The following FMN2 variants were observed in gnomAD, a reference collection of about 807,000 sequenced individuals.
FMN2 encodes the protein formin-2.
A neutral mutation model predicts 142.3 loss-of-function variants in FMN2; 51 were observed. The ratio of observed to expected loss-of-function variants is 0.36; its 90% CI spans 0.29 to 0.45. The LOEUF (loss-of-function observed/expected upper bound fraction) is 0.45. FMN2 is among the 20% of genes least tolerant of loss of function. The pLI, the probability that FMN2 is intolerant of heterozygous loss-of-function variation, is 1.00. For missense variants in FMN2, 1,936 were observed against 2,122.8 expected (o/e 0.91, Z 1.73); for synonymous variants, 882 against 869.8 (o/e 1.01, Z -0.25).
In FMN2 at chr1:240,435,595, G is replaced by T. The variant is rs146602289; in HGVS notation, c.4911-2466G>T. 4.5e-3 allele frequency among the ~76,000 whole-genome samples: 689 copies of T among 152,008 alleles called. 3 individuals carry two copies. The highest frequency in any genetic ancestry group is 0.015 in the African/African-American group (639 of 41,446). ...TGTTGACACATTCAACAGACACTTTGGCAATTCATTTTTACCCATTGGACT... is the reference window on the plus strand; with the variant it reads ...TGTTGACACATTCAACAGACACTTTTGCAATTCATTTTTACCCATTGGACT... On this transcript the variant is annotated intron_variant, in intron 15 of 17. Coordinates refer to ENST00000319653, the MANE Select transcript of FMN2 (RefSeq NM_020066.5).
chr1:240,448,754 G>C (rs1675907411), intron 16 of FMN2, among the ~76,000 whole-genome samples: 1 of 152,168 alleles, frequency 6.6e-6, no homozygotes, highest in South Asian at 2.1e-4. Context: ...ATGGGAGGTT[G>C]AGGCAGCAGT....
At chr1:240,344,526 C>T (rs1372031778) in intron 13 of FMN2, among the ~76,000 whole-genome samples, 1 of 152,152 alleles carries the variant, frequency 6.6e-6, no homozygotes, top group Non-Finnish European at 1.5e-5. Context: ...TTTAAATCAA[C>T]ATTTTTCAGT....
At chr1:240,160,502 A>C (rs1664233552) in intron 2 of FMN2, among the ~76,000 whole-genome samples, 1 of 149,550 alleles carries the variant, frequency 6.7e-6, no homozygotes, top group Admixed American at 6.7e-5. Flanking sequence ...TATGTATATA[A>C]TGTGTATATA....
chr1:240,092,380 G>A lies in FMN2; in HGVS notation c.271G>A (p.Gly91Ser). 2 of 1,612,624 alleles carry A rather than the reference G, an allele frequency of 1.2e-6. No homozygotes were observed. Among genetic ancestry groups the A allele is most frequent in the Non-Finnish European group, 8.5e-7 (1 of 1,179,576 alleles). ...GAATCTGTCCAAGGGGAAAGGCGCC[G>A]GCGGCTCCCGCGAAGATGTACTGGA... is the stretch of plus-strand genomic sequence containing the variant. ...RKNLSKGKGA[G>S]GSREDVLDSQ... The change falls in exon 1 of 18, where the codon GGC becomes AGC. Residue 91 changes from glycine to serine, a missense_variant. Around this residue, in one of 8 missense-constraint regions of FMN2, gnomAD observed 751 missense variants for 791.8 expected, o/e 0.95. Coordinates refer to ENST00000319653, the MANE Select transcript of FMN2 (RefSeq NM_020066.5).
intron 7 of FMN2, among the ~76,000 whole-genome samples, chr1:240,287,288 A>T (rs75691896): frequency 0.067 from 10,210 of 152,268 alleles, 422 homozygotes; most frequent in East Asian, 0.13. Context: ...GATCTCTGCT[A>T]CATAAGATGA....
At chr1:240,121,645 T>C (rs1433908918) in intron 1 of FMN2, among the ~76,000 whole-genome samples, 1 of 138,196 alleles carries the variant, frequency 7.2e-6, no homozygotes, top group African/African-American at 2.7e-5. Flanking sequence ...AGCCTCGGCC[T>C]CCCAAAGTGC....
intron 13 of FMN2, among the ~76,000 whole-genome samples, chr1:240,337,207 T>C (rs905287713): frequency 1.3e-4 from 13 of 103,946 alleles, no homozygotes; most frequent in Non-Finnish European, 7.9e-5. Flanking sequence ...CCTTTTCTTT[T>C]TTTTTTTTTT....
At position 240,392,565 on chromosome 1, in the gene FMN2, G is replaced by A. The variant is rs768208097; in HGVS notation, c.4910+3G>A. 1.2e-6 allele frequency: 2 copies of A among 1,605,356 alleles called. No individual in the cohort carries two copies. Among genetic ancestry groups the A allele is most frequent in the Admixed American group, 1.7e-5 (1 of 58,802 alleles). Reference sequence around the variant, plus strand: ...TCACTGACAGAGACTCATAAATGGTGAGAAATTACTTTATTTCCTCCCAGA... The same window carrying A: ...TCACTGACAGAGACTCATAAATGGTAAGAAATTACTTTATTTCCTCCCAGA... On this transcript the variant is annotated splice_donor_region_variant and intron_variant, in intron 15 of 17. Coordinates refer to ENST00000319653, the MANE Select transcript of FMN2 (RefSeq NM_020066.5).
chr1:240,429,946 T>C (rs970967552), intron 15 of FMN2, among the ~76,000 whole-genome samples: 1 of 151,028 alleles, frequency 6.6e-6, no homozygotes, highest in Non-Finnish European at 1.5e-5. Context: ...AGTGCAGTGG[T>C]GCGATCTCAG....
chr1:240,392,467 A>G, intron 14 of FMN2, 44 bp from the exon 15 acceptor site: 1 of 1,545,046 alleles, frequency 6.5e-7, no homozygotes. Context: ...TAGTGTAACA[A>G]CTTATCATTT....
At chr1:240,289,404 A>G (rs1342262955) in intron 7 of FMN2, among the ~76,000 whole-genome samples, 2 of 152,174 alleles carry the variant, frequency 1.3e-5, no homozygotes, top group African/African-American at 4.8e-5. Flanking sequence ...ACCGTGGCTC[A>G]TGCCTGCAAT....
intron 1 of FMN2, among the ~76,000 whole-genome samples, chr1:240,121,735 T>TTAAAAAAAAAA (rs1662263921): frequency 3.9e-5 from 1 of 25,672 alleles, no homozygotes; most frequent in African/African-American, 1.5e-4. Context: ...AGGGAAATAG[T>TTAAAAAAAAAA]AAAAAAAAAA....
intron 15 of FMN2, among the ~76,000 whole-genome samples, chr1:240,423,574 C>G (rs944649817): frequency 6.6e-6 from 1 of 152,148 alleles, no homozygotes; most frequent in African/African-American, 2.4e-5. Flanking sequence ...CCTGTAAAGT[C>G]TCATTTGGTA....
intron 4 of FMN2, among the ~76,000 whole-genome samples, chr1:240,195,485 GC>G (rs1665878389): frequency 6.6e-6 from 1 of 152,308 alleles, no homozygotes; most frequent in Admixed American, 6.5e-5. Flanking sequence ...CTTCAGTGAT[GC>G]TGCTGTTGGC....
At chr1:240,223,113 C>G (rs1667179408) in intron 6 of FMN2, among the ~76,000 whole-genome samples, 1 of 152,100 alleles carries the variant, frequency 6.6e-6, no homozygotes, top group Admixed American at 6.5e-5. Context: ...ATGATATTGG[C>G]TGTGGGTTTG....
chr1:240,194,977 A>T (rs1041223398), intron 4 of FMN2, among the ~76,000 whole-genome samples: 8 of 152,096 alleles, frequency 5.3e-5, no homozygotes, highest in African/African-American at 1.9e-4. Context: ...AAATATATTT[A>T]TGTAAAATGC....
chr1:240,187,224 C>T (rs1321927576), intron 3 of FMN2, among the ~76,000 whole-genome samples: 10 of 137,482 alleles, frequency 7.3e-5, no homozygotes, highest in African/African-American at 2.5e-4. Context: ...GAGCCAAGAT[C>T]GCGCCGTTGC....
intron 16 of FMN2, chr1:240,472,147 A>C (rs147385359): frequency 3.7e-4 from 172 of 461,154 alleles, no homozygotes; most frequent in African/African-American, 3.3e-3. Flanking sequence ...TACTCCATTC[A>C]ATCATACTAT....
At chr1:240,374,857 TC>T (rs1672991787) in intron 14 of FMN2, among the ~76,000 whole-genome samples, 1 of 152,222 alleles carries the variant, frequency 6.6e-6, no homozygotes, top group Admixed American at 6.5e-5. Context: ...TCATTCTCTC[TC>T]CACTTTGGAC....
Sources: gnomAD v4.1 joint callset for allele counts (sites outside exome capture counted in the v4.1 genomes callset) on GRCh38, gnomAD v4.1.1 for gene constraint, gnomAD v4.1.1 regional missense constraint, MANE v1.5 for transcripts, NCBI Gene and HGNC (gene_info 2026-07-23, HGNC 2026-07-21) for gene names.